GALNT17: variants seen among roughly 807,000 people sequenced by gnomAD.
GALNT17 encodes UDP-GalNAc:polypeptide N-acetylgalactosaminyltransferase-like 3.
GALNT17 carries 29 observed loss-of-function variants against 63.7 expected under a neutral mutation model. That is an observed-to-expected ratio of 0.46 (90% CI 0.34 to 0.62). GALNT17 has a LOEUF of 0.62. Among genes scored for constraint, GALNT17 ranks in the 20% least tolerant of loss-of-function variants. GALNT17 has a pLI of 0.01. For synonymous variants in GALNT17, 305 were observed against 318.3 expected, an observed-to-expected ratio of 0.96 and a Z score of 0.45; for missense variants, 603 against 799.6, an observed-to-expected ratio of 0.75 and a Z score of 2.97.
chr7:71,313,780 G>A (rs182654972), intron 1 of GALNT17, among the ~76,000 whole-genome samples: 1 of 152,100 alleles, frequency 6.6e-6, no homozygotes, highest in African/African-American at 2.4e-5. Context: ...TTACATATTG[G>A]GTTTGAGGCA....
At chr7:71,215,610 A>G (rs1194492468) in intron 1 of GALNT17, among the ~76,000 whole-genome samples, 2 of 152,010 alleles carry the variant, frequency 1.3e-5, no homozygotes, top group African/African-American at 4.8e-5. Flanking sequence ...CTCCCACCCC[A>G]CAGACACCCT....
At chr7:71,397,621 A>T (rs749294580) in intron 3 of GALNT17, among the ~76,000 whole-genome samples, 2 of 152,194 alleles carry the variant, frequency 1.3e-5, no homozygotes, top group Non-Finnish European at 2.9e-5. Context: ...ATCTATCTGA[A>T]GTCACACTGC....
At chr7:71,537,489 G>A (rs1007525046) in intron 5 of GALNT17, among the ~76,000 whole-genome samples, 6 of 152,046 alleles carry the variant, frequency 3.9e-5, no homozygotes, top group African/African-American at 9.7e-5. Context: ...TGTTTATGTG[G>A]GCCCTAAGTC....
At chr7:71,575,582 G>T (rs1264577913) in intron 6 of GALNT17, among the ~76,000 whole-genome samples, 1 of 151,888 alleles carries the variant, frequency 6.6e-6, no homozygotes, top group African/African-American at 2.4e-5. Context: ...TAGAGACAGG[G>T]TTTCACCGTG....
intron 6 of GALNT17, among the ~76,000 whole-genome samples, chr7:71,575,441 A>T (rs968937909): frequency 1.3e-5 from 2 of 150,476 alleles, no homozygotes; most frequent in African/African-American, 4.9e-5. Flanking sequence ...TGAGGCTGGA[A>T]TGCAGTGACG....
intron 9 of GALNT17, among the ~76,000 whole-genome samples, chr7:71,707,046 T>C (rs992693334): frequency 5.9e-5 from 9 of 152,244 alleles, no homozygotes; most frequent in African/African-American, 1.9e-4. Flanking sequence ...GATGTCTTCA[T>C]GCCTCAGTTT....
chr7:71,172,163 G>A (rs1427262535), intron 1 of GALNT17, among the ~76,000 whole-genome samples: 1 of 152,094 alleles, frequency 6.6e-6, no homozygotes, highest in African/African-American at 2.4e-5. Flanking sequence ...AGGTGTGTGT[G>A]TTCATCATAA....
rs186736084 is a variant in GALNT17 at position 71,644,407 on chromosome 7, C to T, written c.1081-21004C>T. On this transcript the variant is annotated intron_variant, in intron 6 of 10. Coordinates refer to ENST00000333538, the MANE Select transcript of GALNT17 (RefSeq NM_022479.3). ...AAAATTAGCTTGGTATGGTGGCATG[C>T]GCCTGGAATCCAAGCTACTTGGGAG... is the stretch of plus-strand genomic sequence containing the variant. 3.2e-3 allele frequency among the ~76,000 whole-genome samples: 477 copies of T among 151,212 alleles called. 1 individual carries two copies. Among genetic ancestry groups the T allele is most frequent in the African/African-American group, 0.011 (457 of 41,170 alleles).
Position 71,556,845 on chromosome 7 carries a change from C to T in GALNT17, c.963-14440C>T, listed in dbSNP as rs1275715812. ...CCTCCCAAAGTGCTGGGATTACAGGCATAAGCCACTGCGCCTGGCCCCCTT... is the reference window on the plus strand; with the variant it reads ...CCTCCCAAAGTGCTGGGATTACAGGTATAAGCCACTGCGCCTGGCCCCCTT... On this transcript the variant is annotated intron_variant, in intron 5 of 10. Coordinates refer to ENST00000333538, the MANE Select transcript of GALNT17 (RefSeq NM_022479.3). Among the ~76,000 whole-genome samples, 3 of 152,164 alleles carry T rather than the reference C, an allele frequency of 2.0e-5. No homozygotes were observed. In the East Asian group the frequency reaches 5.8e-4, roughly 29 times the overall value.
intron 6 of GALNT17, among the ~76,000 whole-genome samples, chr7:71,633,863 G>A (rs981301520): frequency 1.3e-5 from 2 of 152,206 alleles, no homozygotes; most frequent in African/African-American, 4.8e-5. Context: ...TTGAAGTCAT[G>A]TGCTCAGCGA....
intron 5 of GALNT17, among the ~76,000 whole-genome samples, chr7:71,556,944 C>G (rs988431115): frequency 6.6e-6 from 1 of 151,890 alleles, no homozygotes; most frequent in Non-Finnish European, 1.5e-5. Context: ...TTTAAAGTGA[C>G]CGGTTCTTTC....
intron 6 of GALNT17, among the ~76,000 whole-genome samples, chr7:71,589,683 T>A (rs1789770314): frequency 6.6e-6 from 1 of 152,234 alleles, no homozygotes; most frequent in Non-Finnish European, 1.5e-5. Context: ...TCGTGAGATT[T>A]CTGTGCGTTT....
At chr7:71,210,129 G>A (rs1470570310) in intron 1 of GALNT17, among the ~76,000 whole-genome samples, 1 of 152,186 alleles carries the variant, frequency 6.6e-6, no homozygotes, top group Non-Finnish European at 1.5e-5. Context: ...CACCATGTTA[G>A]CCAGGCTGGT....
Position 71,339,458 on chromosome 7 carries a change from G to A in GALNT17, c.422+3725G>A, listed in dbSNP as rs557185761. ...TCCTGGCACTTTGGGAGGCTAAGGC[G>A]GGCGGATCACCTGAGGTCGGGAGTT... On this transcript the variant is annotated intron_variant, in intron 2 of 10. Transcript: ENST00000333538. Among the ~76,000 whole-genome samples the A allele has an allele frequency of 1.4e-4, 21 of 152,270 alleles. No homozygotes were observed. The East Asian group carries it at 2.5e-3, about 18-fold the overall frequency.
In GALNT17 at chr7:71,440,461, G is replaced by A. The variant is rs144852830; in HGVS notation, c.962+19356G>A. 1.9e-3 allele frequency among the ~76,000 whole-genome samples: 278 copies of A among 149,272 alleles called. 4 individuals are homozygous for A. The highest frequency in any genetic ancestry group is 0.016 in the South Asian group (76 of 4,738). On this transcript the variant is annotated intron_variant, in intron 5 of 10. Coordinates refer to ENST00000333538, the MANE Select transcript of GALNT17 (RefSeq NM_022479.3). The stretch of plus-strand genomic sequence containing the variant: ...ACGATCTCAGCTCACTGCGACCTCC[G>A]AATCCTGGGTTCAACCAATTCTCCT...
chr7:71,512,444 G>T (rs1029704270), intron 5 of GALNT17, among the ~76,000 whole-genome samples: 2 of 152,150 alleles, frequency 1.3e-5, no homozygotes, highest in Non-Finnish European at 2.9e-5. Context: ...CCTTAGGAAA[G>T]CCTAGCTGTC....
chr7:71,553,868 T>G (rs1789121325), intron 5 of GALNT17, among the ~76,000 whole-genome samples: 3 of 152,224 alleles, frequency 2.0e-5, no homozygotes, highest in Admixed American at 2.0e-4. Flanking sequence ...TCTTCCCCCT[T>G]GAAAGTTCTC....
intron 2 of GALNT17, among the ~76,000 whole-genome samples, chr7:71,364,668 G>T (rs780638287): frequency 1.8e-4 from 28 of 152,148 alleles, no homozygotes; most frequent in Non-Finnish European, 3.8e-4. Context: ...GTCTTAGGGA[G>T]AAAAGAGGGA....
intron 6 of GALNT17, among the ~76,000 whole-genome samples, chr7:71,605,584 C>CAAA (rs527929802): frequency 2.7e-4 from 25 of 93,948 alleles, no homozygotes; most frequent in African/African-American, 4.3e-4. Flanking sequence ...GACTCCATCT[C>CAAA]AAAAAAAAAA....
Sources: gnomAD v4.1 joint callset for allele counts (sites outside exome capture counted in the v4.1 genomes callset) on GRCh38, gnomAD v4.1.1 for gene constraint, MANE v1.5 for transcripts, NCBI Gene and HGNC (gene_info 2026-07-23, HGNC 2026-07-21) for gene names.